Variants in CDH23 observed in about 807,000 individuals in gnomAD.
The protein encoded by CDH23 is cadherin related 23, also known as cadherin-23.
A neutral mutation model predicts 317.1 loss-of-function variants in CDH23; 189 were observed. The observed-to-expected ratio is 0.60, with a 90% CI of 0.53 to 0.67. The LOEUF is 0.67. Ranked by LOEUF, CDH23 falls within the 30% of genes least tolerant of loss-of-function variation. CDH23 has a pLI of 0.00. For missense variants in CDH23, 4,401 were observed against 4,592.4 expected (o/e 0.96, Z 1.20); for synonymous variants, 1,839 against 1,876.8 (o/e 0.98, Z 0.52).
intron 10 of CDH23, among the ~76,000 whole-genome samples, 182 bp downstream of exon 10, chr10:71,615,798 C>T (rs772567903): frequency 1.3e-5 from 2 of 152,212 alleles, no homozygotes; most frequent in African/African-American, 2.4e-5. Flanking sequence ...AAGGCACCCA[C>T]GTTATGAAGT....
rs996078594 is a variant in CDH23, at chr10:71,617,396, G to A, written c.1134+3G>A. Reference sequence around the variant, plus strand: ...TCCAGGTGGTGGACAAGGATGAGGTGAGTCCCTGGACACATGGCCCATGCA... The same window carrying A: ...TCCAGGTGGTGGACAAGGATGAGGTAAGTCCCTGGACACATGGCCCATGCA... On this transcript the variant is annotated splice_donor_region_variant and intron_variant, in intron 11 of 69. Coordinates refer to ENST00000224721, the MANE Select transcript of CDH23 (RefSeq NM_022124.6). 1.2e-6 allele frequency: 2 copies of A among 1,612,750 alleles called. No homozygotes were observed. Among genetic ancestry groups the A allele is most frequent in the Non-Finnish European group, 1.7e-6 (2 of 1,179,830 alleles).
chr10:71,712,505 T>C, intron 27 of CDH23, 160 bp from the exon 28 acceptor site: 1 of 676,694 alleles, frequency 1.5e-6, no homozygotes, highest in South Asian at 1.9e-5. Context: ...CTGTTAGTGT[T>C]ATTCCTAAGC....
At chr10:71,580,622 A>G (rs1379596148) in intron 9 of CDH23, among the ~76,000 whole-genome samples, 1 of 152,210 alleles carries the variant, frequency 6.6e-6, no homozygotes, top group African/African-American at 2.4e-5. Context: ...GTGGCAAGGG[A>G]TAGGGCCACT....
chr10:71,585,509 C>G (rs1858991440), intron 9 of CDH23, among the ~76,000 whole-genome samples: 1 of 152,186 alleles, frequency 6.6e-6, no homozygotes, highest in Non-Finnish European at 1.5e-5. Context: ...CATTTGTATC[C>G]TGTAGCTCTC....
In CDH23 at chr10:71,615,540, G is replaced by A. The variant is rs1861134309; in HGVS notation, c.869G>A (p.Ser290Asn). 2.5e-6 allele frequency: 4 copies of A among 1,613,568 alleles called. No homozygotes were observed. The African/African-American group carries it at 5.3e-5, about 22-fold the overall frequency. Reference sequence around the variant, plus strand: ...AGCATCTTTGCCCTGGACTACATCAGCGGAGTGCTGACCTTGAATGGCCTG... The same window carrying A: ...AGCATCTTTGCCCTGGACTACATCAACGGAGTGCTGACCTTGAATGGCCTG... ...TNSIFALDYI[S>N]GVLTLNGLLD... Residue 290 changes from serine to asparagine, a missense_variant, in exon 10 of 70, where the codon AGC becomes AAC. Coordinates refer to ENST00000224721, the MANE Select transcript of CDH23 (RefSeq NM_022124.6).
At chr10:71,682,680 T>G in intron 18 of CDH23, 108 bp downstream of exon 18, 1 of 1,406,722 alleles carries the variant, frequency 7.1e-7, no homozygotes, top group Non-Finnish European at 9.8e-7. Flanking sequence ...TGGCTGTCCC[T>G]GCACCTTGGG....
intron 38 of CDH23, chr10:71,761,603 T>C: frequency 1.3e-6 from 2 of 1,586,438 alleles, no homozygotes; most frequent in Non-Finnish European, 1.7e-6. Flanking sequence ...CTCACCTGTC[T>C]GCACCTGCAG....
At chr10:71,594,665 G>A (rs778528464) in intron 9 of CDH23, among the ~76,000 whole-genome samples, 37 of 152,270 alleles carry the variant, frequency 2.4e-4, no homozygotes, top group African/African-American at 8.4e-4. Flanking sequence ...ATGAGCCACC[G>A]CACCCAGCCT....
Position 71,773,723 on chromosome 10 carries a change from G to A in CDH23, c.4846-3957G>A, listed in dbSNP as rs577188370. ...AGCTCCACTTGATCGGCAGTTTAAAGCCCGTTCTACCGTCCCCCAGTCCTT... is the reference window on the plus strand; with the variant it reads ...AGCTCCACTTGATCGGCAGTTTAAAACCCGTTCTACCGTCCCCCAGTCCTT... On this transcript the variant is annotated intron_variant, in intron 38 of 69. Transcript: ENST00000224721. 2.6e-5 allele frequency among the ~76,000 whole-genome samples: 4 copies of A among 152,306 alleles called. No homozygotes were observed. In the East Asian group the frequency reaches 5.8e-4, roughly 22 times the overall value.
chr10:71,526,739 C>T (rs918714435), intron 6 of CDH23, among the ~76,000 whole-genome samples: 5 of 152,176 alleles, frequency 3.3e-5, no homozygotes, highest in South Asian at 2.1e-4. Context: ...AGACTGCATG[C>T]GTCACTCGGG....
At position 71,748,253 on chromosome 10, in the gene CDH23, C is replaced by T. The variant is rs143793696; in HGVS notation, c.4845+6332C>T. On this transcript the variant is annotated intron_variant, in intron 38 of 69. Transcript: ENST00000224721. ...CCCCTGAAAAAGGCCATGTATCAGCCCCTCTGCCCTGGGCCACTGCATGTA... is the reference window on the plus strand; with the variant it reads ...CCCCTGAAAAAGGCCATGTATCAGCTCCTCTGCCCTGGGCCACTGCATGTA... The T allele has an allele frequency of 3.0e-3, 464 of 152,588 alleles. 1 individual carries two copies. The highest frequency in any genetic ancestry group is 5.5e-3 in the Non-Finnish European group (375 of 68,240). 9.5% of individuals were successfully genotyped at this position (152,588 alleles called of 1,614,324 possible). A position where few individuals can be genotyped will look rare whatever the true frequency, so the allele number is the denominator to read the frequency against.
chr10:71,770,627 C>T (rs1041612953), intron 38 of CDH23, among the ~76,000 whole-genome samples: 3 of 152,294 alleles, frequency 2.0e-5, no homozygotes, highest in Middle Eastern at 6.8e-3. Flanking sequence ...ATGTGGGGCT[C>T]GCTCACTGCC....
At chr10:71,597,338 T>C (rs1311865886) in intron 9 of CDH23, among the ~76,000 whole-genome samples, 1 of 152,116 alleles carries the variant, frequency 6.6e-6, no homozygotes, top group Admixed American at 6.5e-5. Context: ...ATCATCCAGT[T>C]GAGCCTTTCC....
chr10:71,509,640 C>T (rs1163547967), intron 3 of CDH23, among the ~76,000 whole-genome samples: 2 of 152,172 alleles, frequency 1.3e-5, no homozygotes, highest in Non-Finnish European at 2.9e-5. Context: ...GGGTCACATG[C>T]TCATCCCTGA....
Position 71,511,147 on chromosome 10 carries a change from G to A in CDH23, c.364G>A (p.Val122Ile). ...GATCACACGGAAGGTGAACATCCAGGTTGGGGATGTGAATGACAACGCGCC... is the reference window on the plus strand; with the variant it reads ...GATCACACGGAAGGTGAACATCCAGATTGGGGATGTGAATGACAACGCGCC... ...GVITRKVNIQ[V>I]GDVNDNAPTF... Residue 122 changes from valine (V) to isoleucine (I), a missense_variant, in exon 6 of 70, where the codon GTT becomes ATT. Physicochemically the swap from Val to Ile is conservative, Grantham distance 29. Transcript: ENST00000224721. The A allele has an allele frequency of 6.2e-7, 1 of 1,613,594 alleles. No individual in the cohort carries two copies. Among genetic ancestry groups the A allele is most frequent in the Non-Finnish European group, 8.5e-7 (1 of 1,179,612 alleles).
intron 31 of CDH23, among the ~76,000 whole-genome samples, chr10:71,730,862 C>T (rs948003126): frequency 1.4e-4 from 22 of 152,222 alleles, no homozygotes; most frequent in African/African-American, 4.8e-4. Context: ...AGTCCAGCTC[C>T]GTCATCCCAG....
intron 31 of CDH23, among the ~76,000 whole-genome samples, chr10:71,731,660 C>T (rs972046589): frequency 2.0e-5 from 3 of 152,138 alleles, no homozygotes; most frequent in Non-Finnish European, 4.4e-5. Context: ...CCTTCATTTC[C>T]CCCAATGCTT....
chr10:71,791,238 G>A lies in CDH23; in HGVS notation c.6156G>A (p.Thr2052=), dbSNP rs766847987. 10 of 1,613,422 alleles carry A rather than the reference G, an allele frequency of 6.2e-6. No homozygotes were observed. Among genetic ancestry groups the A allele is most frequent in the Admixed American group, 3.3e-5 (2 of 59,952 alleles). The change falls in exon 47 of 70, where the codon ACG becomes ACA. Residue 2052 remains threonine, a synonymous_variant. Coordinates refer to ENST00000224721, the MANE Select transcript of CDH23 (RefSeq NM_022124.6). ...AGGACATCGGGCTGCTCAACAGCACGGCCCACCTGCTCATCACCATCCTGG... is the reference window on the plus strand; with the variant it reads ...AGGACATCGGGCTGCTCAACAGCACAGCCCACCTGCTCATCACCATCCTGG... ...LAEDIGLLNS[T]AHLLITILDD... is the part of the protein sequence containing the mutation.
In CDH23 at chr10:71,617,404, G is replaced by A. The variant is rs1183404919; in HGVS notation, c.1134+11G>A. On this transcript the variant is annotated intron_variant, in intron 11 of 69. Transcript: ENST00000224721. The stretch of plus-strand genomic sequence containing the variant: ...GTGGACAAGGATGAGGTGAGTCCCT[G>A]GACACATGGCCCATGCAGACCCACC... 2 of 1,611,976 alleles carry A rather than the reference G, an allele frequency of 1.2e-6. No homozygotes were observed. The highest frequency in any genetic ancestry group is 1.7e-6 in the Non-Finnish European group (2 of 1,179,782).
Sources: gnomAD v4.1 joint callset for allele counts (sites outside exome capture counted in the v4.1 genomes callset) on GRCh38, gnomAD v4.1.1 for gene constraint, MANE v1.5 for transcripts, NCBI Gene and HGNC (gene_info 2026-07-23, HGNC 2026-07-21) for gene names.